The following NAMPT variants were observed in gnomAD, a reference collection of about 807,000 sequenced individuals.
NAMPT encodes nicotinamide phosphoribosyltransferase.
NAMPT carries 7 observed loss-of-function variants against 58.7 expected under a neutral mutation model. The ratio of observed to expected loss-of-function variants is 0.12; its 90% CI spans 0.07 to 0.22. The LOEUF is 0.22. NAMPT is among the 10% of genes least tolerant of loss of function. The pLI is 1.00. For missense variants in NAMPT, 271 were observed against 567.9 expected, an observed-to-expected ratio of 0.48 and a Z score of 5.31; for synonymous variants, 145 against 198.1, an observed-to-expected ratio of 0.73 and a Z score of 2.25.
intron 4 of NAMPT, among the ~76,000 whole-genome samples, chr7:106,269,769 C>T (rs774884997): frequency 6.6e-6 from 1 of 152,142 alleles, no homozygotes; most frequent in African/African-American, 2.4e-5. Context: ...TCAAATAGGG[C>T]ATGAACCAGC....
chr7:106,271,421 G>T (rs183629270), intron 4 of NAMPT, among the ~76,000 whole-genome samples: 1 of 152,248 alleles, frequency 6.6e-6, no homozygotes, highest in East Asian at 1.9e-4. Context: ...AGTTCAGAAT[G>T]AATTGCCAAC....
rs1792063319 is a variant in NAMPT, at chr7:106,248,966, CTAAAT to C, written c.*2112_*2116del. On this transcript the variant is annotated 3_prime_UTR_variant, in exon 11 of 11. Transcript: ENST00000222553. ...AGATAGCTTTTTTCACTGCAAATTT[CTAAAT>C]TAAACTCTATTCTGAAGCTGCTGAA... is the stretch of plus-strand genomic sequence containing the variant. 6.6e-6 allele frequency: 1 copy of C among 152,032 alleles called. No individual in the cohort carries two copies. The highest frequency in any genetic ancestry group is 1.5e-5 in the Non-Finnish European group (1 of 67,960). The allele number at this position is 152,032 out of a possible 1,614,324, so 9.4% of individuals were successfully genotyped here.
At chr7:106,251,994 T>C (rs970929188) in intron 10 of NAMPT, among the ~76,000 whole-genome samples, 4 of 152,094 alleles carry the variant, frequency 2.6e-5, no homozygotes, top group African/African-American at 4.8e-5. Flanking sequence ...TCTGTCATTG[T>C]GTTGCTTCAA....
intron 8 of NAMPT, among the ~76,000 whole-genome samples, chr7:106,258,975 C>T (rs1792257601): frequency 6.6e-6 from 1 of 152,244 alleles, no homozygotes; most frequent in Non-Finnish European, 1.5e-5. Context: ...CGTTCACCCA[C>T]ACAAGAACTT....
chr7:106,285,302 T>A (rs1792856326), upstream of NAMPT: 8 of 631,606 alleles, frequency 1.3e-5, no homozygotes, highest in Non-Finnish European at 1.6e-5. Flanking sequence ...CCCCGGCGCG[T>A]GACCCGGGCG....
chr7:106,252,944 A>C, intron 10 of NAMPT, 73 bp downstream of exon 10: 1 of 1,522,926 alleles, frequency 6.6e-7, no homozygotes, highest in East Asian at 2.3e-5. Flanking sequence ...AATAACATAA[A>C]AACCTCCTTT....
At chr7:106,267,937 T>C (rs1339499372) in intron 6 of NAMPT, among the ~76,000 whole-genome samples, 2 of 150,184 alleles carry the variant, frequency 1.3e-5, no homozygotes, top group Admixed American at 6.7e-5. Flanking sequence ...GTTTAGATTG[T>C]AATTTCTTTC....
chr7:106,259,701 C>T (rs1041980738), intron 8 of NAMPT, among the ~76,000 whole-genome samples: 2 of 152,072 alleles, frequency 1.3e-5, no homozygotes, highest in Admixed American at 6.6e-5. Flanking sequence ...GGATTACAGG[C>T]GTGAGCCACC....
At chr7:106,254,011 T>C (rs1792150946) in intron 9 of NAMPT, among the ~76,000 whole-genome samples, 1 of 152,144 alleles carries the variant, frequency 6.6e-6, no homozygotes, top group Non-Finnish European at 1.5e-5. Flanking sequence ...GGTCAGTGAT[T>C]ATATACTTGC....
At chr7:106,261,508 T>C (rs2115751821) in intron 8 of NAMPT, 80 bp downstream of exon 8, 1 of 1,135,404 alleles carries the variant, frequency 8.8e-7, no homozygotes, top group Non-Finnish European at 1.3e-6. Flanking sequence ...AAATTGTATT[T>C]ATATTGTGTT....
chr7:106,253,187 G>A, intron 9 of NAMPT, 36 bp from the exon 10 acceptor site: 4 of 1,602,322 alleles, frequency 2.5e-6, no homozygotes, highest in Non-Finnish European at 3.4e-6. Flanking sequence ...ACAAGTAGAA[G>A]ACTAATCATC....
At position 106,261,486 on chromosome 7, in the gene NAMPT, TAC is replaced by T; in HGVS notation, c.1089+100_1089+101del. 3.0e-6 allele frequency: 3 copies of T among 987,220 alleles called. No individual in the cohort carries two copies. The South Asian group carries it at 5.4e-5, about 18-fold the overall frequency. 61.2% of individuals were successfully genotyped at this position (987,220 alleles called of 1,614,324 possible). On this transcript the variant is annotated intron_variant, in intron 8 of 10. Transcript: ENST00000222553. ...AGAGATTTATACCAACATAAACACTTACAAAGACTTAAAATTGTATTTATATT... is the reference window on the plus strand; with the variant it reads ...AGAGATTTATACCAACATAAACACTTAAAGACTTAAAATTGTATTTATATT...
intron 6 of NAMPT, among the ~76,000 whole-genome samples, chr7:106,264,291 T>A (rs945447523): frequency 1.3e-5 from 2 of 152,080 alleles, no homozygotes; most frequent in Non-Finnish European, 2.9e-5. Flanking sequence ...ATAATTAAGA[T>A]GGAAAATAAA....
intron 6 of NAMPT, among the ~76,000 whole-genome samples, chr7:106,267,544 TA>T (rs1792436703): frequency 6.6e-6 from 1 of 152,128 alleles, no homozygotes; most frequent in African/African-American, 2.4e-5. Flanking sequence ...GGCAAACATT[TA>T]AAAAACCTGA....
chr7:106,253,178 C>T, intron 9 of NAMPT, 27 bp from the exon 10 acceptor site: 1 of 1,607,318 alleles, frequency 6.2e-7, no homozygotes, highest in South Asian at 1.1e-5. Context: ...GAAAGTTAGA[C>T]AAGTAGAAGA....
intron 6 of NAMPT, among the ~76,000 whole-genome samples, chr7:106,267,505 T>C (rs1792435636): frequency 6.6e-6 from 1 of 152,152 alleles, no homozygotes; most frequent in Non-Finnish European, 1.5e-5. Context: ...TAGTAAATAA[T>C]TTTGTTATAA....
At chr7:106,279,280 T>G (rs538585613) in intron 1 of NAMPT, among the ~76,000 whole-genome samples, 1 of 152,288 alleles carries the variant, frequency 6.6e-6, no homozygotes, top group East Asian at 1.9e-4. Context: ...TGGAGAACCT[T>G]AAGAGTATCG....
intron 3 of NAMPT, 147 bp from the exon 4 acceptor site, chr7:106,272,805 T>G (rs1322915180): frequency 4.0e-6 from 3 of 741,796 alleles, no homozygotes; most frequent in Non-Finnish European, 6.5e-6. Context: ...CTAGTCAGAA[T>G]ATCCTTATCC....
chr7:106,284,205 C>CG (rs1158346173), intron 1 of NAMPT: 2 of 152,262 alleles, frequency 1.3e-5, no homozygotes, highest in African/African-American at 4.8e-5. Flanking sequence ...GAGTTTGAAA[C>CG]GGAGCCCGGC....
Sources: allele counts gnomAD v4.1 joint callset (sites outside exome capture counted in the v4.1 genomes callset), GRCh38; gene constraint gnomAD v4.1.1; transcripts MANE v1.5; gene names NCBI Gene and HGNC (gene_info 2026-07-23, HGNC 2026-07-21).